NLGN1: variants seen among roughly 807,000 people sequenced by gnomAD.
NLGN1 encodes neuroligin 1.
Under a neutral mutation model 65.5 loss-of-function variants are expected in NLGN1, and 12 were observed. The ratio of observed to expected loss-of-function variants is 0.18; its 90% CI spans 0.12 to 0.30. The LOEUF is 0.30. Ranked by LOEUF, NLGN1 falls within the 10% of genes least tolerant of loss-of-function variation. NLGN1 has a pLI of 1.00. For missense variants in NLGN1, 750 were observed against 1,007.1 expected (o/e 0.74, Z 3.46); for synonymous variants, 350 against 359.5 (o/e 0.97, Z 0.30).
intron 3 of NLGN1, among the ~76,000 whole-genome samples, chr3:173,803,690 G>T (rs1210476565): frequency 2.0e-5 from 3 of 151,988 alleles, no homozygotes; most frequent in Admixed American, 2.0e-4. Context: ...AAGCTAAAAA[G>T]GTGTGTTTAA....
chr3:173,834,606 C>T (rs1473935256), intron 4 of NLGN1, among the ~76,000 whole-genome samples: 1 of 152,138 alleles, frequency 6.6e-6, no homozygotes, highest in Non-Finnish European at 1.5e-5. Flanking sequence ...ACTTAGGGTA[C>T]ATTATATCTT....
intron 4 of NLGN1, among the ~76,000 whole-genome samples, chr3:173,871,067 A>G (rs1354965183): frequency 1.3e-5 from 2 of 152,146 alleles, no homozygotes; most frequent in Non-Finnish European, 2.9e-5. Context: ...GCTTGAGTTA[A>G]TAATAGGTCA....
In NLGN1 at chr3:173,400,436, T is replaced by C. The variant is rs1484225313; in HGVS notation, c.-390+1949T>C. Among the ~76,000 whole-genome samples, 4 of 152,146 alleles carry C rather than the reference T, an allele frequency of 2.6e-5. No homozygotes were observed. The East Asian group carries it at 7.7e-4, about 29-fold the overall frequency. On this transcript the variant is annotated intron_variant, in intron 1 of 6. Transcript: ENST00000457714. ...CTGGCCCCCCTTCTGAATTCACTCT[T>C]TAGTCCATTCACAAGACTCTTAATT...
At chr3:173,763,576 G>A (rs1250341452) in intron 3 of NLGN1, among the ~76,000 whole-genome samples, 1 of 151,802 alleles carries the variant, frequency 6.6e-6, no homozygotes, top group African/African-American at 2.4e-5. Context: ...ACTTTGTTTT[G>A]ATACACAAAG....
At chr3:173,676,264 A>G (rs1432003223) in intron 3 of NLGN1, among the ~76,000 whole-genome samples, 1 of 152,148 alleles carries the variant, frequency 6.6e-6, no homozygotes, top group Non-Finnish European at 1.5e-5. Flanking sequence ...GACAGACTAT[A>G]GAATCTTAGC....
intron 4 of NLGN1, among the ~76,000 whole-genome samples, chr3:174,256,777 C>A (rs1248925484): frequency 6.6e-6 from 1 of 152,028 alleles, no homozygotes; most frequent in Non-Finnish European, 1.5e-5. Context: ...GGATTAAAGA[C>A]TTAAATGTAA....
rs148435096 is a variant in NLGN1, at chr3:173,488,239, A to C, written c.-321+53161A>C. ...TACTTTGATCACTACCCACCTCATC[A>C]TTTTATATATTCATACTACTTTGAT... On this transcript the variant is annotated intron_variant, in intron 2 of 6. Coordinates refer to ENST00000457714, the Ensembl canonical transcript of NLGN1. Among the ~76,000 whole-genome samples, 784 of 152,024 alleles carry C rather than the reference A, an allele frequency of 5.2e-3. 2 individuals carry two copies. Among genetic ancestry groups the C allele is most frequent in the Admixed American group, 7.4e-3 (113 of 15,246 alleles).
exon 3 of NLGN1, chr3:173,604,791 A>T (rs1392370184): frequency 6.2e-7 from 1 of 1,613,716 alleles, no homozygotes; most frequent in Non-Finnish European, 8.5e-7. Context: ...GATAAGAGGG[A>T]TTAAGAAGGA....
In NLGN1 at chr3:173,716,277, G is replaced by A. The variant is rs141675243; in HGVS notation, c.494-91403G>A. Among the ~76,000 whole-genome samples the A allele has an allele frequency of 2.0e-3, 310 of 152,182 alleles. 2 individuals carry two copies. The highest frequency in any genetic ancestry group is 6.8e-3 in the Middle Eastern group (2 of 294). On this transcript the variant is annotated intron_variant, in intron 3 of 6. Transcript: ENST00000457714. The stretch of plus-strand genomic sequence containing the variant: ...TTTGGAAAGATGGGTCACAGATTTT[G>A]TAGATATATTCATTTTACTTAGACA...
At chr3:174,182,076 C>G (rs1046198845) in intron 4 of NLGN1, among the ~76,000 whole-genome samples, 2 of 151,856 alleles carry the variant, frequency 1.3e-5, no homozygotes, top group Non-Finnish European at 2.9e-5. Context: ...CACACCTAAC[C>G]CATACATTCT....
chr3:173,573,947 C>T (rs993246992), intron 2 of NLGN1, among the ~76,000 whole-genome samples: 2 of 150,722 alleles, frequency 1.3e-5, no homozygotes, highest in African/African-American at 4.9e-5. Context: ...CCTGTAGTCC[C>T]AGCTACTCAG....
chr3:173,435,707 C>T (rs574435961), intron 2 of NLGN1, among the ~76,000 whole-genome samples: 9 of 152,130 alleles, frequency 5.9e-5, no homozygotes, highest in Non-Finnish European at 7.4e-5. Flanking sequence ...TGGCAGTGCA[C>T]GCCTGTAGTC....
intron 4 of NLGN1, among the ~76,000 whole-genome samples, chr3:174,023,714 G>C (rs920680768): frequency 1.3e-5 from 2 of 152,100 alleles, no homozygotes; most frequent in Non-Finnish European, 2.9e-5. Flanking sequence ...CTGGGAAATC[G>C]CAGTAGCAGC....
At position 174,025,480 on chromosome 3, in the gene NLGN1, G is replaced by A. The variant is rs573239743; in HGVS notation, c.646+217648G>A. ...GATTTGATAAAGGAAATATTATACA[G>A]AATATACAAAGAATGCATTCAAATC... On this transcript the variant is annotated intron_variant, in intron 4 of 6. Transcript: ENST00000457714. Among the ~76,000 whole-genome samples the A allele has an allele frequency of 1.4e-4, 22 of 152,174 alleles. No homozygotes were observed. In the East Asian group the frequency reaches 2.5e-3, roughly 17 times the overall value.
At chr3:174,029,663 C>T (rs144225759) in intron 4 of NLGN1, among the ~76,000 whole-genome samples, 188 of 152,258 alleles carry the variant, frequency 1.2e-3, no homozygotes, top group African/African-American at 4.4e-3. Flanking sequence ...TGGTTTGGCT[C>T]TGAGTCCCCA....
At chr3:173,474,873 G>T (rs1725928195) in intron 2 of NLGN1, among the ~76,000 whole-genome samples, 1 of 152,124 alleles carries the variant, frequency 6.6e-6, no homozygotes, top group African/African-American at 2.4e-5. Flanking sequence ...CAGGAGAATT[G>T]CTTGAACCCG....
chr3:174,194,780 A>G (rs1358352542), intron 4 of NLGN1, among the ~76,000 whole-genome samples: 2 of 142,696 alleles, frequency 1.4e-5, no homozygotes, highest in Admixed American at 1.4e-4. Flanking sequence ...AATATAACCT[A>G]TTCACTAAAA....
At chr3:173,616,215 A>G (rs1017523526) in intron 3 of NLGN1, among the ~76,000 whole-genome samples, 1 of 152,168 alleles carries the variant, frequency 6.6e-6, no homozygotes, top group African/African-American at 2.4e-5. Flanking sequence ...TTCAGATATT[A>G]AAATATTTTT....
At chr3:173,803,008 A>G (rs1012479037) in intron 3 of NLGN1, among the ~76,000 whole-genome samples, 4 of 151,876 alleles carry the variant, frequency 2.6e-5, no homozygotes, top group African/African-American at 9.7e-5. Context: ...ATGCCCAGCT[A>G]ATTTTTTGCT....
Sources: gnomAD v4.1 joint callset for allele counts (sites outside exome capture counted in the v4.1 genomes callset) on GRCh38, gnomAD v4.1.1 for gene constraint, MANE v1.5 for transcripts, NCBI Gene and HGNC (gene_info 2026-07-23, HGNC 2026-07-21) for gene names.